IQSEC1: variants seen among roughly 807,000 people sequenced by gnomAD.
The protein encoded by IQSEC1 is IQ motif and Sec7 domain ArfGEF 1.
Under a neutral mutation model 91.0 loss-of-function variants are expected in IQSEC1, and 31 were observed. The ratio of observed to expected loss-of-function variants is 0.34; its 90% CI spans 0.26 to 0.46. IQSEC1 has a LOEUF of 0.46. IQSEC1 is among the 20% of genes least tolerant of loss of function. The pLI is 1.00. For synonymous variants in IQSEC1, 699 were observed against 662.6 expected, an observed-to-expected ratio of 1.05 and a Z score of -0.84; for missense variants, 1,388 against 1,575.6, an observed-to-expected ratio of 0.88 and a Z score of 2.02.
At chr3:12,948,366 C>T (rs1576013145) in intron 1 of IQSEC1, among the ~76,000 whole-genome samples, 2 of 152,224 alleles carry the variant, frequency 1.3e-5, no homozygotes, top group Non-Finnish European at 2.9e-5. Flanking sequence ...CTTCGAGACA[C>T]CCACCTCCAG....
intron 2 of IQSEC1, among the ~76,000 whole-genome samples, chr3:13,119,029 C>T (rs975459259): frequency 3.3e-5 from 5 of 151,640 alleles, no homozygotes; most frequent in Admixed American, 6.6e-5. Flanking sequence ...GAGTCGAGAT[C>T]GTGCCACTGC....
At chr3:12,911,989 G>C (rs1171398830) in intron 9 of IQSEC1, among the ~76,000 whole-genome samples, 3 of 152,226 alleles carry the variant, frequency 2.0e-5, no homozygotes, top group African/African-American at 4.8e-5. Context: ...GCCCCCTCAA[G>C]TGCCTTCTCA....
At chr3:13,242,271 G>A (rs1695033478) in intron 1 of IQSEC1, among the ~76,000 whole-genome samples, 1 of 152,216 alleles carries the variant, frequency 6.6e-6, no homozygotes. Flanking sequence ...CAGACTTTCT[G>A]AAGTCCTGGC....
chr3:13,125,519 G>A (rs889983726), intron 2 of IQSEC1, among the ~76,000 whole-genome samples: 10 of 152,338 alleles, frequency 6.6e-5, no homozygotes, highest in African/African-American at 2.2e-4. Context: ...GAACCAGCCC[G>A]CCAGAGCTGG....
chr3:13,149,109 T>C (rs954501937), intron 2 of IQSEC1, among the ~76,000 whole-genome samples: 1 of 152,196 alleles, frequency 6.6e-6, no homozygotes, highest in African/African-American at 2.4e-5. Flanking sequence ...CCCGCCATGC[T>C]GGGGGTTGGA....
intron 1 of IQSEC1, among the ~76,000 whole-genome samples, chr3:12,961,661 G>A (rs775551659): frequency 3.3e-5 from 5 of 152,118 alleles, no homozygotes; most frequent in Admixed American, 2.6e-4. Flanking sequence ...CTCCCATCTA[G>A]GAACACATCT....
chr3:13,253,922 T>C (rs1695242803), intron 1 of IQSEC1, among the ~76,000 whole-genome samples: 1 of 152,118 alleles, frequency 6.6e-6, no homozygotes, highest in Non-Finnish European at 1.5e-5. Flanking sequence ...AGGCCACCGA[T>C]GGAAGCTGTG....
chr3:12,958,549 G>A (rs1160659660), intron 1 of IQSEC1, among the ~76,000 whole-genome samples: 2 of 152,218 alleles, frequency 1.3e-5, no homozygotes, highest in Non-Finnish European at 2.9e-5. Context: ...CCACTGTCAC[G>A]ATTTAAGACT....
chr3:13,177,758 G>A (rs1272819289), intron 1 of IQSEC1, among the ~76,000 whole-genome samples: 1 of 152,212 alleles, frequency 6.6e-6, no homozygotes, highest in African/African-American at 2.4e-5. Context: ...TCCCTCTGCT[G>A]TCCACATGCA....
intron 1 of IQSEC1, among the ~76,000 whole-genome samples, chr3:13,236,691 C>T (rs1011789622): frequency 6.6e-6 from 1 of 152,180 alleles, no homozygotes. Context: ...CGTGAGAAGG[C>T]GCCAGCTCCA....
chr3:13,152,788 T>C (rs1236198734), intron 2 of IQSEC1, among the ~76,000 whole-genome samples: 1 of 152,200 alleles, frequency 6.6e-6, no homozygotes, highest in Non-Finnish European at 1.5e-5. Context: ...GAGAATCGCT[T>C]GAACCTGGGA....
upstream of IQSEC1, among the ~76,000 whole-genome samples, chr3:13,075,160 C>T (rs1291631434): frequency 6.6e-6 from 1 of 152,210 alleles, no homozygotes; most frequent in East Asian, 1.9e-4. Flanking sequence ...CCACCCCACC[C>T]CTCTCCTCAC....
intron 1 of IQSEC1, among the ~76,000 whole-genome samples, chr3:13,060,959 G>A (rs1705047060): frequency 6.6e-6 from 1 of 152,182 alleles, no homozygotes; most frequent in African/African-American, 2.4e-5. Context: ...CTCTGCATAC[G>A]GGCTCCGAGC....
intron 1 of IQSEC1, among the ~76,000 whole-genome samples, chr3:13,010,707 C>T (rs185108754): frequency 3.2e-4 from 49 of 152,230 alleles, no homozygotes; most frequent in Non-Finnish European, 6.5e-4. Context: ...TTTTAATCAA[C>T]CAAACAAATA....
chr3:13,283,188 C>T (rs1011311772), exon 1 of IQSEC1, among the ~76,000 whole-genome samples: 4 of 146,588 alleles, frequency 2.7e-5, no homozygotes, highest in Non-Finnish European at 6.1e-5. Flanking sequence ...GCCCGCTGCC[C>T]CGCGGACGCG....
Position 13,271,372 on chromosome 3 carries a change from G to A in IQSEC1, c.272+11339C>T, listed in dbSNP as rs556659690. On this transcript the variant is annotated intron_variant, in intron 1 of 15. Coordinates refer to the IQSEC1 transcript ENST00000648114. ...AGCCTGGGTGACACAGCAAGACTCCGTCTCAAAAAAAATAAAAAAGAAAAA... is the reference window on the plus strand; with the variant it reads ...AGCCTGGGTGACACAGCAAGACTCCATCTCAAAAAAAATAAAAAAGAAAAA... Among the ~76,000 whole-genome samples, 25 of 151,956 alleles carry A rather than the reference G, an allele frequency of 1.6e-4. No homozygotes were observed. The East Asian group carries it at 2.3e-3, about 14-fold the overall frequency.
chr3:13,281,457 C>G (rs1358337771), intron 1 of IQSEC1, among the ~76,000 whole-genome samples: 2 of 115,560 alleles, frequency 1.7e-5, no homozygotes, highest in Non-Finnish European at 4.1e-5. Context: ...CTGCCACGCA[C>G]AGAGCCATGT....
chr3:13,243,871 C>A (rs17037956), intron 1 of IQSEC1, among the ~76,000 whole-genome samples: 1 of 152,338 alleles, frequency 6.6e-6, no homozygotes, highest in African/African-American at 2.4e-5. Context: ...CTTCGCTGTG[C>A]GACTCCTGGC....
chr3:13,243,547 A>C (rs1376433637), intron 1 of IQSEC1, among the ~76,000 whole-genome samples: 1 of 152,012 alleles, frequency 6.6e-6, no homozygotes, highest in African/African-American at 2.4e-5. Flanking sequence ...CGCCCACCCC[A>C]TCTCTGTCTC....
Sources: allele counts gnomAD v4.1 joint callset (sites outside exome capture counted in the v4.1 genomes callset), GRCh38; gene constraint gnomAD v4.1.1; transcripts MANE v1.5; gene names NCBI Gene and HGNC (gene_info 2026-07-23, HGNC 2026-07-21).